The following FAM186A variants were observed in gnomAD, a reference collection of about 807,000 sequenced individuals.
FAM186A encodes the protein family with sequence similarity 186 member A, also known as protein FAM186A.
In FAM186A, 163 loss-of-function variants were observed where a neutral mutation model predicts 216.8. That is an observed-to-expected ratio of 0.75 (90% CI 0.66 to 0.86). The LOEUF is 0.86. Ranked by LOEUF, FAM186A falls within the 40% of genes least tolerant of loss-of-function variation. FAM186A has a pLI of 0.00. For synonymous variants in FAM186A, 805 were observed against 1,025.3 expected, an observed-to-expected ratio of 0.79 and a Z score of 4.10; for missense variants, 2,184 against 2,746.2, an observed-to-expected ratio of 0.80 and a Z score of 4.58.
chr12:50,331,714 T>C lies in FAM186A; in HGVS notation c.6804A>G (p.Leu2268=). ...CAGAGGTTCTGTCCTCTTCCATTAG[T>C]AATTTTAAGAATGGCTTTTGAACAA... ...TTFVQKPFLK[L]LMEEDRTSDI... Residue 2268 remains leucine (L), a synonymous_variant, in exon 6 of 8, where the codon TTA becomes TTG. Transcript: ENST00000327337. 1 of 1,549,324 alleles carries C rather than the reference T, an allele frequency of 6.5e-7. No homozygotes were observed. Among genetic ancestry groups the C allele is most frequent in the Non-Finnish European group, 8.7e-7 (1 of 1,146,574 alleles).
Position 50,356,018 on chromosome 12 carries a change from A to G in FAM186A, c.814T>C (p.Leu272=), listed in dbSNP as rs757771938. Residue 272 remains leucine, a synonymous_variant, in exon 4 of 8, where the codon TTG becomes CTG. Coordinates refer to ENST00000327337, the MANE Select transcript of FAM186A (RefSeq NM_001145475.3). ...TTTAATTCATCATTTAGCATACTCA[A>G]AGCTGTAGAAAGGTTTACTATTGTT... ...SSTIVNLSTA[L]SMLNDELKCV... is the part of the protein sequence containing the mutation. 37 of 1,551,544 alleles carry G rather than the reference A, an allele frequency of 2.4e-5. No homozygotes were observed. In the South Asian group the frequency reaches 4.3e-4, roughly 18 times the overall value.
chr12:50,378,268 C>A (rs184724472), intron 1 of FAM186A, among the ~76,000 whole-genome samples: 1,706 of 151,494 alleles, frequency 0.011, 12 homozygotes, highest in South Asian at 0.021. Flanking sequence ...CGGTGGCTCA[C>A]GCCTGTAATC....
chr12:50,375,725 A>G (rs1252034870), intron 1 of FAM186A, among the ~76,000 whole-genome samples: 2 of 144,454 alleles, frequency 1.4e-5, no homozygotes, highest in Non-Finnish European at 3.0e-5. Flanking sequence ...TCAAAAAAAA[A>G]AAGAAAAAGA....
chr12:50,381,021 G>A (rs574612708), intron 1 of FAM186A, among the ~76,000 whole-genome samples: 1 of 152,304 alleles, frequency 6.6e-6, no homozygotes, highest in East Asian at 1.9e-4. Context: ...GGCTGGACCA[G>A]GCATACTGCA....
At chr12:50,382,134 G>T (rs79865322) in intron 1 of FAM186A, among the ~76,000 whole-genome samples, 1 of 150,884 alleles carries the variant, frequency 6.6e-6, no homozygotes, top group Non-Finnish European at 1.5e-5. Context: ...GTTAACAGAT[G>T]ACATGTTACT....
intron 1 of FAM186A, among the ~76,000 whole-genome samples, chr12:50,371,086 G>A (rs1018254737): frequency 2.6e-5 from 4 of 151,926 alleles, no homozygotes; most frequent in Non-Finnish European, 5.9e-5. Context: ...GCAACAGAGC[G>A]AGACTTCATC....
chr12:50,368,978 A>AC (rs74604532), intron 1 of FAM186A, among the ~76,000 whole-genome samples: 12,784 of 151,396 alleles, frequency 0.084, 1,098 homozygotes, highest in East Asian at 0.34. Flanking sequence ...AAAAAAAAAA[A>AC]ACACACACAA....
chr12:50,343,144 A>G (rs1420677596), intron 4 of FAM186A, among the ~76,000 whole-genome samples: 1 of 151,926 alleles, frequency 6.6e-6, no homozygotes, highest in African/African-American at 2.4e-5. Flanking sequence ...AAACCCGGGA[A>G]GTTGAGACTG....
At chr12:50,366,053 A>G in intron 1 of FAM186A, 1 of 749,624 alleles carries the variant, frequency 1.3e-6, no homozygotes, top group Non-Finnish European at 2.4e-6. Flanking sequence ...AAAAGAGCAA[A>G]TACAAGGAAG....
In FAM186A at chr12:50,354,945, C is replaced by T. The variant is rs1942956803; in HGVS notation, c.1887G>A (p.Glu629=). The T allele has an allele frequency of 6.5e-7, 1 of 1,550,098 alleles. No individual in the cohort carries two copies. Among genetic ancestry groups the T allele is most frequent in the African/African-American group, 1.4e-5 (1 of 72,870 alleles). Residue 629 remains glutamate (E), a synonymous_variant, in exon 4 of 8, where the codon GAG becomes GAA. Transcript: ENST00000327337. The stretch of plus-strand genomic sequence containing the variant: ...GATGAGACTTGACTTGTTTGGTCAA[C>T]TCTTCCTTCTCTTCAGTTTTTTCTT... ...SKEEKTEEKE[E]LTKQVKSHQL...
In FAM186A at chr12:50,396,339, T is replaced by A. The variant is rs1943412829; in HGVS notation, c.146A>T (p.Asp49Val). 1 of 1,551,466 alleles carries A rather than the reference T, an allele frequency of 6.4e-7. No homozygotes were observed. The highest frequency in any genetic ancestry group is 1.2e-5 in the South Asian group (1 of 84,018). ...PNLEIPFSVK[D>V]IISRIERAQL... ...TGCGCGCTCAATCCTAGAGATGATA[T>A]CCTTTACTGAGAATGGGATCTCAAG... The change falls in exon 1 of 8, where the codon GAT (aspartate) becomes GTT (valine). Residue 49 changes from aspartate to valine, a missense_variant. By Grantham distance (152) the Asp-to-Val change is radical. Around this residue, in one of 7 missense-constraint regions of FAM186A, gnomAD observed 1,132 missense variants for 1,263.4 expected, o/e 0.90. Transcript: ENST00000327337.
chr12:50,373,686 C>A (rs1485342030), intron 1 of FAM186A, among the ~76,000 whole-genome samples: 1 of 152,132 alleles, frequency 6.6e-6, no homozygotes, highest in Non-Finnish European at 1.5e-5. Context: ...AATAGGAACA[C>A]TTTTACACTG....
chr12:50,331,250 C>CT lies in FAM186A; in HGVS notation c.6848+419dup, dbSNP rs895186457. 3.4e-4 allele frequency among the ~76,000 whole-genome samples: 52 copies of CT among 151,220 alleles called. No individual in the cohort carries two copies. The South Asian group carries it at 4.4e-3, about 13-fold the overall frequency. ...CAATTTAGCTAAGGGAATTAATACT[C>CT]TTTTTTTTTGAGACAGAGTTTCGCT... On this transcript the variant is annotated intron_variant, in intron 6 of 7. Coordinates refer to ENST00000327337, the MANE Select transcript of FAM186A (RefSeq NM_001145475.3).
intron 1 of FAM186A, among the ~76,000 whole-genome samples, chr12:50,380,692 TAA>T (rs778024988): frequency 1.2e-4 from 17 of 138,458 alleles, no homozygotes; most frequent in East Asian, 2.1e-4. Context: ...TGAGACTGTC[TAA>T]AAAAAAAAAA....
At chr12:50,370,954 C>T (rs940351805) in intron 1 of FAM186A, among the ~76,000 whole-genome samples, 5 of 151,710 alleles carry the variant, frequency 3.3e-5, no homozygotes, top group Non-Finnish European at 7.4e-5. Context: ...CAAAAATTAG[C>T]CAGGCATGGT....
In FAM186A at chr12:50,352,234, G is replaced by A; in HGVS notation, c.4598C>T (p.Pro1533Leu). 1 of 1,521,222 alleles carries A rather than the reference G, an allele frequency of 6.6e-7. No homozygotes were observed. The highest frequency in any genetic ancestry group is 8.8e-7 in the Non-Finnish European group (1 of 1,136,162). The allele number at this position is 1,521,222 out of a possible 1,614,324, so 94.2% of individuals were successfully genotyped here. ...GATCCCCAATTCCTGAGCCTGCGGAGGGATCAGAGGGATCCCCAGGGCCTG... is the reference window on the plus strand; with the variant it reads ...GATCCCCAATTCCTGAGCCTGCGGAAGGATCAGAGGGATCCCCAGGGCCTG... ...QAQALGIPLI[P>L]PQAQELGIPL... The change falls in exon 4 of 8, where the codon CCT becomes CTT. Residue 1533 changes from proline (P) to leucine (L), a missense_variant. Pro to Leu is a moderately conservative substitution (Grantham distance 98). Transcript: ENST00000327337.
intron 1 of FAM186A, among the ~76,000 whole-genome samples, chr12:50,386,612 C>G (rs546054781): frequency 6.6e-6 from 1 of 152,222 alleles, no homozygotes; most frequent in South Asian, 2.1e-4. Context: ...GTAATCCCAG[C>G]ACTTTGGGAG....
rs78288571 is a variant in FAM186A, at chr12:50,370,790, T to C, written c.193-7426A>G. ...ATAAATGGATAAACAAAATGTGGTATATATTTATATATATACACAATGGAG... is the reference window on the plus strand; with the variant it reads ...ATAAATGGATAAACAAAATGTGGTACATATTTATATATATACACAATGGAG... On this transcript the variant is annotated intron_variant, in intron 1 of 7. Transcript: ENST00000327337. 7.7e-3 allele frequency among the ~76,000 whole-genome samples: 1,166 copies of C among 152,166 alleles called. 12 individuals are homozygous for C. Among genetic ancestry groups the C allele is most frequent in the African/African-American group, 0.026 (1,086 of 41,516 alleles).
At chr12:50,332,812 GA>G (rs1201958913) in intron 5 of FAM186A, among the ~76,000 whole-genome samples, 1 of 152,112 alleles carries the variant, frequency 6.6e-6, no homozygotes, top group African/African-American at 2.4e-5. Context: ...CGGTTCACTT[GA>G]GGTCAGGAGT....
Sources: allele counts gnomAD v4.1 joint callset (sites outside exome capture counted in the v4.1 genomes callset), GRCh38; gene constraint gnomAD v4.1.1; regional missense constraint gnomAD v4.1.1; transcripts MANE v1.5; gene names NCBI Gene and HGNC (gene_info 2026-07-23, HGNC 2026-07-21).